The following TMEM191C variants were observed in gnomAD, a reference collection of about 807,000 sequenced individuals.
TMEM191C encodes the protein KB-1323B2.6.
A neutral mutation model predicts 37.1 loss-of-function variants in TMEM191C; 26 were observed. That is an observed-to-expected ratio of 0.70 (90% confidence interval 0.51 to 0.97). TMEM191C has a LOEUF of 0.97. Among genes scored for constraint, TMEM191C ranks in the 50% least tolerant of loss-of-function variants. The probability of loss-of-function intolerance (pLI) is 0.00; values close to 1 mark genes in which losing one functional copy is unlikely to be tolerated. For missense variants in TMEM191C, 240 were observed against 294.7 expected (o/e 0.81, Z 1.36); for synonymous variants, 115 against 143.7 (o/e 0.80, Z 1.43).
In TMEM191C at chr22:21,467,977, G is replaced by A; in HGVS notation, c.239G>A (p.Arg80His). The change falls in exon 2 of 10, where the codon CGC becomes CAC. Residue 80 changes from arginine (R) to histidine (H), a missense_variant. Physicochemically the swap from Arg to His is conservative, Grantham distance 29. This residue lies in a region of TMEM191C where 130 missense variants were observed against 105.7 expected (regional missense o/e 1.23). Transcript: ENST00000536718. ...GCGCGGGAGCGCGCGGAGCGGGTGC[G>A]CAGAAGACTGGAGGAGGCGGAGCGC... ...EAARERAERV[R>H]RRLEEAERHK... is the part of the protein sequence containing the mutation. 1.9e-6 allele frequency: 1 copy of A among 537,002 alleles called. No homozygotes were observed. The highest frequency in any genetic ancestry group is 3.2e-6 in the Non-Finnish European group (1 of 308,532). The allele number at this position is 537,002 out of a possible 1,614,324, so 33.3% of individuals were successfully genotyped here. A position where few individuals can be genotyped will look rare whatever the true frequency, so the allele number is the denominator to read the frequency against.
In TMEM191C at chr22:21,469,543, G is replaced by C. The variant is rs745749459; in HGVS notation, c.704+9G>C. 1 of 1,383,502 alleles carries C rather than the reference G, an allele frequency of 7.2e-7. No homozygotes were observed. The highest frequency in any genetic ancestry group is 9.3e-7 in the Non-Finnish European group (1 of 1,080,118). 85.7% of individuals were successfully genotyped at this position (1,383,502 alleles called of 1,614,324 possible). A position where few individuals can be genotyped will look rare whatever the true frequency, so the allele number is the denominator to read the frequency against. On this transcript the variant is annotated intron_variant, in intron 9 of 9. Transcript: ENST00000536718. ...CGCGCGCTGGCCATCAGGTGAGCCG[G>C]GCGGTGGGCGCGGCCGCGGTCCCCC...
In TMEM191C at chr22:21,469,604, T is replaced by C; in HGVS notation, c.705-13T>C. The C allele has an allele frequency of 6.8e-7, 1 of 1,477,896 alleles. No homozygotes were observed. Among genetic ancestry groups the C allele is most frequent in the Non-Finnish European group, 8.9e-7 (1 of 1,123,704 alleles). The allele number at this position is 1,477,896 out of a possible 1,614,324, so 91.5% of individuals were successfully genotyped here. A position where few individuals can be genotyped will look rare whatever the true frequency, so the allele number is the denominator to read the frequency against. On this transcript the variant is annotated splice_polypyrimidine_tract_variant and intron_variant, in intron 9 of 9. Coordinates refer to ENST00000536718, the MANE Select transcript of TMEM191C (RefSeq NM_001388354.1). Reference sequence around the variant, plus strand: ...CCGAGTTGCCGCCCACCTGCCCGCCTTTCGCCCCGCAGGCGGTGCGTGCTG... The same window carrying C: ...CCGAGTTGCCGCCCACCTGCCCGCCCTTCGCCCCGCAGGCGGTGCGTGCTG...
Position 21,467,443 on chromosome 22 carries a change from G to A in TMEM191C, c.-17G>A. On this transcript the variant is annotated 5_prime_UTR_variant, in exon 1 of 10. Transcript: ENST00000536718. ...GGTCCCCGAGGCGGGCGGCATTTAG[G>A]CTCGGTCTCCACAGCCATGGCCGCG... is the stretch of plus-strand genomic sequence containing the variant. 1 of 448,190 alleles carries A rather than the reference G, an allele frequency of 2.2e-6. No homozygotes were observed. The highest frequency in any genetic ancestry group is 2.1e-5 in the South Asian group (1 of 46,896). 27.8% of individuals were successfully genotyped at this position (448,190 alleles called of 1,614,324 possible). A position where few individuals can be genotyped will look rare whatever the true frequency, so the allele number is the denominator to read the frequency against.
chr22:21,469,245 G>A, intron 7 of TMEM191C, 29 bp from the exon 8 acceptor site: 3 of 1,499,108 alleles, frequency 2.0e-6, no homozygotes, highest in Non-Finnish European at 1.8e-6. Flanking sequence ...GGCCGGGATG[G>A]GCTCCCACCT....
In TMEM191C at chr22:21,467,408, C is replaced by T; in HGVS notation, c.-52C>T. 2.2e-6 allele frequency: 1 copy of T among 456,708 alleles called. No individual in the cohort carries two copies. The highest frequency in any genetic ancestry group is 3.7e-6 in the Non-Finnish European group (1 of 271,818). The allele number at this position is 456,708 out of a possible 1,614,324, so 28.3% of individuals were successfully genotyped here. A position where few individuals can be genotyped will look rare whatever the true frequency, so the allele number is the denominator to read the frequency against. ...TGCCGCCCATTGTGACGCCTGCCAGCCGCAGGCTGGGTCCCCGAGGCGGGC... is the reference window on the plus strand; with the variant it reads ...TGCCGCCCATTGTGACGCCTGCCAGTCGCAGGCTGGGTCCCCGAGGCGGGC... On this transcript the variant is annotated 5_prime_UTR_variant, in exon 1 of 10. Coordinates refer to ENST00000536718, the MANE Select transcript of TMEM191C (RefSeq NM_001388354.1).
chr22:21,469,617 G>C lies in TMEM191C; in HGVS notation c.705G>C (p.Arg235Ser). The change falls in exon 10 of 10, where the codon AGG (arginine) becomes AGC (serine). Residue 235 changes from arginine (R) to serine (S), a missense_variant and splice_region_variant. Transcript: ENST00000536718. ...LFGGPRALAI[R>S]RCVLGALQVL... is the part of the protein sequence containing the mutation. ...CACCTGCCCGCCTTTCGCCCCGCAG[G>C]CGGTGCGTGCTGGGCGCGCTGCAGG... 6.8e-7 allele frequency: 1 copy of C among 1,480,042 alleles called. No homozygotes were observed. Among genetic ancestry groups the C allele is most frequent in the African/African-American group, 1.5e-5 (1 of 68,338 alleles). 91.7% of individuals were successfully genotyped at this position (1,480,042 alleles called of 1,614,324 possible).
intron 4 of TMEM191C, 140 bp downstream of exon 4, chr22:21,468,571 G>A: frequency 2.4e-6 from 2 of 848,510 alleles, no homozygotes; most frequent in Non-Finnish European, 3.5e-6. Context: ...ACAATCGCAT[G>A]GGGGCGGGGC....
In TMEM191C at chr22:21,467,584, G is replaced by A. The variant is rs1482748927; in HGVS notation, c.125G>A (p.Arg42His). The A allele has an allele frequency of 6.5e-7, 1 of 1,530,170 alleles. No homozygotes were observed. Among genetic ancestry groups the A allele is most frequent in the African/African-American group, 1.4e-5 (1 of 72,498 alleles). 94.8% of individuals were successfully genotyped at this position (1,530,170 alleles called of 1,614,324 possible). A position where few individuals can be genotyped will look rare whatever the true frequency, so the allele number is the denominator to read the frequency against. The part of the protein sequence containing the change: ...LEAESESLNQ[R>H]LQDLSERERS... ...GCCGAGAGCGAGAGCCTCAACCAGC[G>A]CCTGCAGGACCTGAGCGAGCGGGAG... is the stretch of plus-strand genomic sequence containing the variant. Residue 42 changes from arginine to histidine, a missense_variant, in exon 1 of 10, where the codon CGC becomes CAC. Coordinates refer to ENST00000536718, the MANE Select transcript of TMEM191C (RefSeq NM_001388354.1).
At position 21,468,569 on chromosome 22, in the gene TMEM191C, A is replaced by C. The variant is rs1210784341; in HGVS notation, c.408+138A>C. 1.8e-3 allele frequency: 1,096 copies of C among 613,826 alleles called. 18 individuals are homozygous for C. In the African/African-American group the frequency reaches 0.025, roughly 14 times the overall value. The allele number at this position is 613,826 out of a possible 1,614,324, so 38.0% of individuals were successfully genotyped here. ...GGGAATGTGGGCGGAGCACAATCGC[A>C]TGGGGGCGGGGCTCTGAGGGCTAGA... is the stretch of plus-strand genomic sequence containing the variant. On this transcript the variant is annotated intron_variant, in intron 4 of 9. Coordinates refer to ENST00000536718, the MANE Select transcript of TMEM191C (RefSeq NM_001388354.1).
rs1365420165 is a variant in TMEM191C at position 21,467,915 on chromosome 22, G to A, written c.177G>A (p.Gln59=). The A allele has an allele frequency of 4.8e-6, 3 of 627,790 alleles. No individual in the cohort carries two copies. Among genetic ancestry groups the A allele is most frequent in the South Asian group, 1.8e-5 (1 of 56,546 alleles). The allele number at this position is 627,790 out of a possible 1,614,324, so 38.9% of individuals were successfully genotyped here. The part of the protein sequence containing the change: ...RERSLLRRRS[Q]AAQPLQGEAR... Reference sequence around the variant, plus strand: ...GCAGCCTGCTGCGGAGGCGAAGCCAGGCAGCGCAGCCTCTGCAAGGGGAGG... The same window carrying A: ...GCAGCCTGCTGCGGAGGCGAAGCCAAGCAGCGCAGCCTCTGCAAGGGGAGG... Residue 59 remains glutamine, a synonymous_variant, in exon 2 of 10, where the codon CAG becomes CAA. Transcript: ENST00000536718.
Position 21,468,787 on chromosome 22 carries a change from G to A in TMEM191C, c.417G>A (p.Leu139=). Residue 139 remains leucine (L), a synonymous_variant, in exon 5 of 10, where the codon CTG becomes CTA. Transcript: ENST00000536718. ...CCTGGGTCCTTCTCAAGAATGAACT[G>A]GAGCTGGCGGAGACCAAATGCGCCT... is the stretch of plus-strand genomic sequence containing the variant. ...AAQLVTLQNE[L]ELAETKCALQ... is the part of the protein sequence containing the mutation. 1.5e-6 allele frequency: 1 copy of A among 680,592 alleles called. No homozygotes were observed. Among genetic ancestry groups the A allele is most frequent in the Non-Finnish European group, 2.4e-6 (1 of 425,268 alleles). 42.2% of individuals were successfully genotyped at this position (680,592 alleles called of 1,614,324 possible). A position where few individuals can be genotyped will look rare whatever the true frequency, so the allele number is the denominator to read the frequency against.
At chr22:21,467,645 G>C (rs757727538) in intron 1 of TMEM191C, 31 bp downstream of exon 1, 24 of 1,505,184 alleles carry the variant, frequency 1.6e-5, no homozygotes, top group Non-Finnish European at 2.0e-5. Flanking sequence ...TACCTGGCGG[G>C]CGCGCGAGGG....
At position 21,469,672 on chromosome 22, in the gene TMEM191C, G is replaced by T; in HGVS notation, c.760G>T (p.Gly254Trp). The change falls in exon 10 of 10, where the codon GGG becomes TGG. Residue 254 changes from glycine (G) to tryptophan (W), a missense_variant. By Grantham distance (184) the Gly-to-Trp change is radical. Around this residue, in one of 3 missense-constraint regions of TMEM191C, gnomAD observed 76 missense variants for 100.0 expected, o/e 0.76. Transcript: ENST00000536718. ...GCTGACGCTGCCGCTCCTCTTCCTG[G>T]GGCTGTCGCTGCTCTGGACGGTGCT... ...VLLTLPLLFL[G>W]LSLLWTVLLD... The T allele has an allele frequency of 1.3e-6, 2 of 1,508,272 alleles. No homozygotes were observed. Among genetic ancestry groups the T allele is most frequent in the South Asian group, 1.2e-5 (1 of 81,932 alleles). The allele number at this position is 1,508,272 out of a possible 1,614,324, so 93.4% of individuals were successfully genotyped here. A position where few individuals can be genotyped will look rare whatever the true frequency, so the allele number is the denominator to read the frequency against.
At chr22:21,467,711 C>G (rs1168086709) in intron 1 of TMEM191C, 97 bp downstream of exon 1, 2 of 547,856 alleles carry the variant, frequency 3.7e-6, no homozygotes, top group South Asian at 1.8e-5. Flanking sequence ...CTGATCCGCC[C>G]AGGCCCGCAT....
Position 21,469,311 on chromosome 22 carries a change from G to C in TMEM191C, c.628G>C (p.Glu210Gln). 3.0e-6 allele frequency: 2 copies of C among 667,414 alleles called. No homozygotes were observed. Among genetic ancestry groups the C allele is most frequent in the African/African-American group, 3.1e-5 (1 of 32,220 alleles). 41.3% of individuals were successfully genotyped at this position (667,414 alleles called of 1,614,324 possible). A position where few individuals can be genotyped will look rare whatever the true frequency, so the allele number is the denominator to read the frequency against. Residue 210 changes from glutamate to glutamine, a missense_variant, in exon 8 of 10, where the codon GAA becomes CAA. This residue lies in a region of TMEM191C where 34 missense variants were observed against 89.0 expected (regional missense o/e 0.38). Transcript: ENST00000536718. ...GCTTCGCGGAGTGCAGTACAGCACC[G>C]AATCGCTCATGGAGGAGATGGCCAG... ...GQLRGVQYST[E>Q]SLMEEMARAD... is the part of the protein sequence containing the mutation.
Position 21,467,657 on chromosome 22 carries a change from C to T in TMEM191C, c.155+43C>T, listed in dbSNP as rs1203889003. ...CTCTACCTGGCGGGCGCGCGAGGGT[C>T]GGTCCCGCAGGCAGCGCCGCGAGGT... On this transcript the variant is annotated intron_variant, in intron 1 of 9. Coordinates refer to ENST00000536718, the MANE Select transcript of TMEM191C (RefSeq NM_001388354.1). 5.4e-6 allele frequency: 8 copies of T among 1,480,064 alleles called. No individual in the cohort carries two copies. The African/African-American group carries it at 1.0e-4, about 19-fold the overall frequency. 91.7% of individuals were successfully genotyped at this position (1,480,064 alleles called of 1,614,324 possible). A position where few individuals can be genotyped will look rare whatever the true frequency, so the allele number is the denominator to read the frequency against.
chr22:21,468,129 C>A lies in TMEM191C; in HGVS notation c.280-23C>A, dbSNP rs1220046435. Reference sequence around the variant, plus strand: ...GGTAGGACCGGCGGAGAGGTCGGCACCGCCCCAGGACCCCGTCCGCAGGAG... The same window carrying A: ...GGTAGGACCGGCGGAGAGGTCGGCAACGCCCCAGGACCCCGTCCGCAGGAG... On this transcript the variant is annotated intron_variant, in intron 2 of 9. Transcript: ENST00000536718. The A allele has an allele frequency of 5.9e-5, 88 of 1,489,640 alleles. No homozygotes were observed. In the East Asian group the frequency reaches 1.4e-3, roughly 24 times the overall value. The allele number at this position is 1,489,640 out of a possible 1,614,324, so 92.3% of individuals were successfully genotyped here.
intron 8 of TMEM191C, 27 bp downstream of exon 8, chr22:21,469,373 G>C (rs1924655274): frequency 3.9e-6 from 5 of 1,283,666 alleles, no homozygotes; most frequent in Non-Finnish European, 3.0e-6. Context: ...GTCCGGGCGG[G>C]GTGGGCTGGA....
intron 3 of TMEM191C, 71 bp from the exon 4 acceptor site, chr22:21,468,283 G>C: frequency 4.6e-6 from 7 of 1,534,744 alleles, no homozygotes; most frequent in Middle Eastern, 1.9e-4. Flanking sequence ...TTGCCTCCCC[G>C]TCCCTGTCTC....
Sources: gnomAD v4.1 joint callset for allele counts on GRCh38, gnomAD v4.1.1 for gene constraint, gnomAD v4.1.1 regional missense constraint, MANE v1.5 for transcripts, NCBI Gene and HGNC (gene_info 2026-07-23, HGNC 2026-07-21) for gene names.